The following PEX7 variants were observed in gnomAD, a reference collection of about 807,000 sequenced individuals.
PEX7 encodes the protein peroxisomal biogenesis factor 7, also known as PTS2 receptor.
PEX7 carries 34 observed loss-of-function variants against 47.5 expected under a neutral mutation model. The ratio of observed to expected loss-of-function variants is 0.72; its 90% CI spans 0.54 to 0.95. PEX7 has a LOEUF of 0.95. PEX7 is among the 40% of genes least tolerant of loss of function. PEX7 has a pLI of 0.00. For synonymous variants in PEX7, 141 were observed against 148.8 expected, an observed-to-expected ratio of 0.95 and a Z score of 0.38; for missense variants, 394 against 400.3, an observed-to-expected ratio of 0.98 and a Z score of 0.13.
intron 1 of PEX7, among the ~76,000 whole-genome samples, chr6:136,823,563 G>A (rs1294759726): frequency 6.6e-6 from 1 of 152,062 alleles, no homozygotes; most frequent in Non-Finnish European, 1.5e-5. Flanking sequence ...CTCCACTCCA[G>A]CCTGGGTGAC....
At chr6:136,910,552 G>T (rs970182052) in intron 9 of PEX7, among the ~76,000 whole-genome samples, 1 of 152,194 alleles carries the variant, frequency 6.6e-6, no homozygotes, top group African/African-American at 2.4e-5. Flanking sequence ...ACCAGATCTT[G>T]AAGAGTGAGG....
intron 3 of PEX7, among the ~76,000 whole-genome samples, chr6:136,841,822 G>A (rs1774505707): frequency 6.6e-6 from 1 of 151,628 alleles, no homozygotes; most frequent in African/African-American, 2.4e-5. Context: ...GTGGCCTCAA[G>A]CGGTCCTCCT....
intron 2 of PEX7, among the ~76,000 whole-genome samples, 172 bp from the exon 3 acceptor site, chr6:136,826,145 ATT>A (rs1480495059): frequency 2.6e-5 from 4 of 151,984 alleles, no homozygotes; most frequent in Non-Finnish European, 5.9e-5. Flanking sequence ...CTGTTGCCAT[ATT>A]TGTCAAGTAC....
In PEX7 at chr6:136,872,616, G is replaced by T. The variant is rs113451016; in HGVS notation, c.803+363G>T. 4.6e-3 allele frequency among the ~76,000 whole-genome samples: 694 copies of T among 152,192 alleles called. 6 individuals are homozygous for T. Among genetic ancestry groups the T allele is most frequent in the African/African-American group, 0.016 (668 of 41,546 alleles). Reference sequence around the variant, plus strand: ...CAGGTCTAATTATATGAGTCGTAAGGCTAAGATTGCTTAGATGAAAAAACA... The same window carrying T: ...CAGGTCTAATTATATGAGTCGTAAGTCTAAGATTGCTTAGATGAAAAAACA... On this transcript the variant is annotated intron_variant, in intron 8 of 9. Coordinates refer to ENST00000318471, the MANE Select transcript of PEX7 (RefSeq NM_000288.4).
At chr6:136,827,503 T>TG (rs1491582243) in intron 3 of PEX7, among the ~76,000 whole-genome samples, 3 of 113,224 alleles carry the variant, frequency 2.6e-5, no homozygotes, top group Admixed American at 1.2e-4. Context: ...CCTGTGTGAA[T>TG]TTGTGTGTGT....
chr6:136,844,238 C>T (rs374261209), intron 3 of PEX7, among the ~76,000 whole-genome samples: 7 of 151,986 alleles, frequency 4.6e-5, no homozygotes, highest in Non-Finnish European at 7.4e-5. Flanking sequence ...TGTGGTGGCA[C>T]GCAAGCGTGA....
intron 8 of PEX7, among the ~76,000 whole-genome samples, chr6:136,878,056 C>T (rs527364093): frequency 1.3e-5 from 2 of 152,086 alleles, no homozygotes; most frequent in African/African-American, 2.4e-5. Flanking sequence ...ATTTTATTCC[C>T]TTTGTAGCAT....
chr6:136,829,832 G>A (rs1036003691), intron 3 of PEX7, among the ~76,000 whole-genome samples: 2 of 152,170 alleles, frequency 1.3e-5, no homozygotes, highest in South Asian at 4.1e-4. Context: ...CAGCTATTTG[G>A]TGGCTGAGGC....
Position 136,898,233 on chromosome 6 carries a change from C to T in PEX7, c.895C>T (p.Pro299Ser). Residue 299 changes from proline to serine, a missense_variant, in exon 9 of 10, where the codon CCC becomes TCC. By Grantham distance (74) the Pro-to-Ser change is moderately conservative (BLOSUM62 -1). Coordinates refer to ENST00000318471, the MANE Select transcript of PEX7 (RefSeq NM_000288.4). ...TGGTTTAGACTTCAGTCTTCAGAGC[C>T]CCACTCAGGTAACGGATACAATCTC... is the stretch of plus-strand genomic sequence containing the variant. ...TCGLDFSLQS[P>S]TQVADCSWDE... 1 of 1,579,934 alleles carries T rather than the reference C, an allele frequency of 6.3e-7. No homozygotes were observed. Among genetic ancestry groups the T allele is most frequent in the Non-Finnish European group, 8.7e-7 (1 of 1,148,960 alleles).
chr6:136,827,555 TCTCA>T (rs1774218206), intron 3 of PEX7, among the ~76,000 whole-genome samples: 1 of 149,318 alleles, frequency 6.7e-6, no homozygotes, highest in African/African-American at 2.5e-5. Flanking sequence ...TGTGTCAGGG[TCTCA>T]CTCTGTTGCC....
chr6:136,902,784 A>C (rs1240078893), intron 9 of PEX7, among the ~76,000 whole-genome samples: 1 of 152,112 alleles, frequency 6.6e-6, no homozygotes, highest in Non-Finnish European at 1.5e-5. Context: ...TGCTCTTCCA[A>C]ATGCTCAGTG....
chr6:136,850,425 C>T (rs1441644926), intron 5 of PEX7, among the ~76,000 whole-genome samples: 3 of 152,040 alleles, frequency 2.0e-5, no homozygotes, highest in East Asian at 1.9e-4. Flanking sequence ...TTATTTTGCT[C>T]GTTAGTTGAT....
intron 3 of PEX7, among the ~76,000 whole-genome samples, chr6:136,832,954 GTCT>G (rs1466034229): frequency 2.0e-5 from 3 of 152,144 alleles, no homozygotes. Flanking sequence ...ACATCTTCCT[GTCT>G]TCTTCTGAGC....
At chr6:136,828,736 A>AT (rs1005063549) in intron 3 of PEX7, among the ~76,000 whole-genome samples, 1 of 152,198 alleles carries the variant, frequency 6.6e-6, no homozygotes, top group African/African-American at 2.4e-5. Context: ...GCTTTATAAG[A>AT]TTTTACCACC....
chr6:136,883,420 T>G (rs58411600), intron 8 of PEX7, among the ~76,000 whole-genome samples: 8,947 of 152,202 alleles, frequency 0.059, 409 homozygotes, highest in African/African-American at 0.13. Context: ...TGTCAGCATT[T>G]GTCATGCTGA....
chr6:136,863,130 A>G (rs1004219336), intron 5 of PEX7, among the ~76,000 whole-genome samples: 2 of 152,210 alleles, frequency 1.3e-5, no homozygotes, highest in African/African-American at 2.4e-5. Context: ...TCCTTTTGGT[A>G]CTTTCAAACT....
At position 136,852,104 on chromosome 6, in the gene PEX7, A is replaced by T. The variant is rs1279678143; in HGVS notation, c.526+5923A>T. Among the ~76,000 whole-genome samples, 38 of 130,314 alleles carry T rather than the reference A, an allele frequency of 2.9e-4. 1 individual carries two copies. The highest frequency in any genetic ancestry group is 1.0e-3 in the African/African-American group (34 of 32,976). The allele number at this position is 130,314 out of a possible 152,430, so 85.5% of individuals were successfully genotyped here. On this transcript the variant is annotated intron_variant, in intron 5 of 9. Transcript: ENST00000318471. ...GCCTGTGTCCTGAATGGTAATGCCT[A>T]GGTTTTCTTCTAGGGTTTTTATGGT... is the stretch of plus-strand genomic sequence containing the variant.
At chr6:136,846,291 T>C in intron 5 of PEX7, 110 bp downstream of exon 5, 1 of 557,914 alleles carries the variant, frequency 1.8e-6, no homozygotes, top group Non-Finnish European at 3.2e-6. Flanking sequence ...CAGGAGAATA[T>C]TACTATTCTT....
intron 8 of PEX7, among the ~76,000 whole-genome samples, chr6:136,883,290 A>G (rs1775407780): frequency 6.6e-6 from 1 of 152,204 alleles, no homozygotes; most frequent in South Asian, 2.1e-4. Context: ...TTGAAAGCTT[A>G]TAGGCATAGG....
Sources: allele counts gnomAD v4.1 joint callset (sites outside exome capture counted in the v4.1 genomes callset), GRCh38; gene constraint gnomAD v4.1.1; transcripts MANE v1.5; gene names NCBI Gene and HGNC (gene_info 2026-07-23, HGNC 2026-07-21).